FAM133A: variants seen among roughly 807,000 people sequenced by gnomAD.
The protein encoded by FAM133A is protein FAM133A.
For missense variants in FAM133A, 159 were observed against 164.4 expected, an observed-to-expected ratio of 0.97 and a Z score of 0.18; for synonymous variants, 65 against 58.6, an observed-to-expected ratio of 1.11 and a Z score of -0.50.
At chrX:93,677,352 C>CT in intron 2 of FAM133A, among the ~76,000 whole-genome samples, 1 of 111,180 alleles carries the variant, frequency 9.0e-6, no homozygotes, top group Non-Finnish European at 1.9e-5. Context: ...GCAGCATTAT[C>CT]TTTTTTTGTA....
At chrX:93,680,076 C>T (rs955490760) in intron 2 of FAM133A, among the ~76,000 whole-genome samples, 63 of 107,317 alleles carry the variant, frequency 5.9e-4, no homozygotes, top group African/African-American at 2.0e-3. Flanking sequence ...TGCACCAGGC[C>T]GTGTTGTTTC....
chrX:93,678,667 A>C (rs1330506019), intron 2 of FAM133A, among the ~76,000 whole-genome samples: 3 of 111,681 alleles, frequency 2.7e-5, no homozygotes, highest in African/African-American at 9.8e-5. Flanking sequence ...TTGAAGGTTT[A>C]TTTCTTTTGA....
intron 3 of FAM133A, among the ~76,000 whole-genome samples, chrX:93,708,761 G>C (rs999202084): frequency 1.8e-5 from 2 of 111,898 alleles, no homozygotes; most frequent in Non-Finnish European, 3.8e-5. Flanking sequence ...GATGATAGTG[G>C]CCTGGGCTAA....
intron 2 of FAM133A, among the ~76,000 whole-genome samples, chrX:93,684,804 A>G (rs1925406745): frequency 8.9e-6 from 1 of 112,102 alleles, no homozygotes; most frequent in South Asian, 3.7e-4. Flanking sequence ...AATGAATAAC[A>G]TTGTTTGTTT....
intron 3 of FAM133A, among the ~76,000 whole-genome samples, chrX:93,708,798 G>A (rs1353702505): frequency 1.8e-5 from 2 of 111,748 alleles, no homozygotes; most frequent in African/African-American, 6.5e-5. Context: ...TTGGAGACAA[G>A]TGAATGGATA....
chrX:93,680,246 T>C (rs1318290176), intron 2 of FAM133A, among the ~76,000 whole-genome samples: 7 of 111,103 alleles, frequency 6.3e-5, no homozygotes, highest in Non-Finnish European at 1.1e-4. Flanking sequence ...GTTCTCCAGA[T>C]TTGTCTATGT....
At chrX:93,683,646 T>A (rs1177796935) in intron 2 of FAM133A, among the ~76,000 whole-genome samples, 1 of 111,936 alleles carries the variant, frequency 8.9e-6, no homozygotes, top group Admixed American at 9.5e-5. Flanking sequence ...GTATAAGAGT[T>A]CCCTTTTCTA....
At chrX:93,681,063 G>T (rs1231115162) in intron 2 of FAM133A, among the ~76,000 whole-genome samples, 1 of 110,878 alleles carries the variant, frequency 9.0e-6, no homozygotes, top group East Asian at 2.8e-4. Context: ...GGGTAATCAG[G>T]AATTTTTTGC....
At chrX:93,701,593 C>T (rs1391323007) in intron 3 of FAM133A, among the ~76,000 whole-genome samples, 2 of 111,560 alleles carry the variant, frequency 1.8e-5, no homozygotes, top group African/African-American at 6.5e-5. Context: ...GTAGTCATGT[C>T]CCACTACATC....
intron 2 of FAM133A, among the ~76,000 whole-genome samples, chrX:93,685,243 AAAATGAAGATCG>A (rs1925434716): frequency 1.8e-5 from 2 of 111,871 alleles, no homozygotes; most frequent in Admixed American, 9.5e-5. Context: ...TCTTACCTGA[AAAATGAAGATCG>A]TGAGTTGGCT....
chrX:93,687,456 A>G (rs1280339038), intron 2 of FAM133A, among the ~76,000 whole-genome samples: 1 of 111,405 alleles, frequency 9.0e-6, no homozygotes, highest in South Asian at 3.8e-4. Flanking sequence ...CCATGTAACC[A>G]AAGACCACCT....
intron 2 of FAM133A, among the ~76,000 whole-genome samples, chrX:93,678,207 A>C (rs1924855888): frequency 9.0e-6 from 1 of 111,686 alleles, no homozygotes; most frequent in Non-Finnish European, 1.9e-5. Flanking sequence ...GTCCATTTAA[A>C]AAAATAGGAT....
intron 3 of FAM133A, 85 bp from the exon 4 acceptor site, chrX:93,709,232 A>G: frequency 1.9e-6 from 1 of 518,951 alleles, no homozygotes; most frequent in Non-Finnish European, 2.7e-6. Context: ...ACTGTGTGAT[A>G]GGCAGTGTTA....
intron 2 of FAM133A, among the ~76,000 whole-genome samples, chrX:93,681,916 T>C (rs1925187251): frequency 8.9e-6 from 1 of 111,994 alleles, no homozygotes; most frequent in Admixed American, 9.5e-5. Flanking sequence ...AAATATGACA[T>C]GACAAGAGAA....
At position 93,709,600 on chromosome X, in the gene FAM133A, T is replaced by G; in HGVS notation, c.181T>G (p.Phe61Val). Residue 61 changes from phenylalanine to valine, a missense_variant, in exon 4 of 4, where the codon TTT (phenylalanine) becomes GTT (valine). By Grantham distance (50) the Phe-to-Val change is conservative (BLOSUM62 -1). Coordinates refer to ENST00000683942, the MANE Select transcript of FAM133A (RefSeq NM_001171109.2). ...KKTGSKALAE[F>V]EEKMNENWKK... The stretch of plus-strand genomic sequence containing the variant: ...AACAGGTTCAAAAGCATTAGCTGAA[T>G]TTGAAGAAAAAATGAATGAAAATTG... The G allele has an allele frequency of 8.4e-7, 1 of 1,195,607 alleles. No homozygotes were observed. The highest frequency in any genetic ancestry group is 1.1e-6 in the Non-Finnish European group (1 of 890,700).
intron 2 of FAM133A, among the ~76,000 whole-genome samples, chrX:93,692,302 T>A (rs899870619): frequency 1.8e-5 from 2 of 111,547 alleles, no homozygotes; most frequent in Non-Finnish European, 1.9e-5. Flanking sequence ...AATTCTTCTG[T>A]GGGAAAGGAT....
chrX:93,676,047 A>G (rs770058003), intron 2 of FAM133A, among the ~76,000 whole-genome samples: 2 of 111,236 alleles, frequency 1.8e-5, no homozygotes, highest in Admixed American at 9.6e-5. Context: ...ATTTATTTTT[A>G]TTAGCTAGCT....
At chrX:93,677,091 A>G (rs780300840) in intron 2 of FAM133A, among the ~76,000 whole-genome samples, 1 of 111,073 alleles carries the variant, frequency 9.0e-6, no homozygotes, top group South Asian at 3.8e-4. Flanking sequence ...TGTTTTTCTT[A>G]ATAAGGTTAG....
chrX:93,704,137 C>T (rs1475278920), intron 3 of FAM133A, among the ~76,000 whole-genome samples: 1 of 111,433 alleles, frequency 9.0e-6, no homozygotes, highest in African/African-American at 3.3e-5. Context: ...TATGTATTTC[C>T]TGGAAATTAA....
Sources: allele counts gnomAD v4.1 joint callset (sites outside exome capture counted in the v4.1 genomes callset), GRCh38; gene constraint gnomAD v4.1.1; transcripts MANE v1.5; gene names NCBI Gene and HGNC (gene_info 2026-07-23, HGNC 2026-07-21).